Variants in FBXL20 observed in about 807,000 individuals in gnomAD.
The protein encoded by FBXL20 is F-box/LRR-repeat protein 20.
FBXL20 carries 11 observed loss-of-function variants against 64.0 expected under a neutral mutation model. That is an observed-to-expected ratio of 0.17 (90% CI 0.11 to 0.28). The LOEUF is 0.28. FBXL20 is among the 10% of genes least tolerant of loss of function. The pLI is 1.00. For missense variants in FBXL20, 303 were observed against 526.2 expected, an observed-to-expected ratio of 0.58 and a Z score of 4.15; for synonymous variants, 184 against 189.0, an observed-to-expected ratio of 0.97 and a Z score of 0.22.
At chr17:39,291,607 G>T (rs775360375) in intron 6 of FBXL20, among the ~76,000 whole-genome samples, 1 of 151,296 alleles carries the variant, frequency 6.6e-6, no homozygotes, top group African/African-American at 2.4e-5. Context: ...CTAATTTTTC[G>T]AATTTTTAGT....
At chr17:39,399,317 C>A (rs1279758352) in intron 1 of FBXL20, among the ~76,000 whole-genome samples, 1 of 152,152 alleles carries the variant, frequency 6.6e-6, no homozygotes, top group East Asian at 1.9e-4. Flanking sequence ...ATGTTTAGAT[C>A]TGCTTTATTT....
Position 39,281,380 on chromosome 17 carries a change from G to C in FBXL20, c.696+9C>G, listed in dbSNP as rs1273262729. The stretch of plus-strand genomic sequence containing the variant: ...CTAAAACAGAAGAGTTGTGAGAAGG[G>C]ATGTTTACCAAGCAAGTCTGCAAGT... On this transcript the variant is annotated intron_variant, in intron 9 of 14. Coordinates refer to ENST00000264658, the MANE Select transcript of FBXL20 (RefSeq NM_032875.3). 6.2e-7 allele frequency: 1 copy of C among 1,612,918 alleles called. No homozygotes were observed. The highest frequency in any genetic ancestry group is 2.2e-5 in the East Asian group (1 of 44,818).
At chr17:39,348,211 C>A (rs1597811669) in intron 1 of FBXL20, among the ~76,000 whole-genome samples, 2 of 151,970 alleles carry the variant, frequency 1.3e-5, no homozygotes, top group East Asian at 3.9e-4. Flanking sequence ...GCCTGTAATC[C>A]CAGCACTTTG....
At chr17:39,315,866 A>AGAGC (rs1555607918) in intron 2 of FBXL20, among the ~76,000 whole-genome samples, 4 of 132,656 alleles carry the variant, frequency 3.0e-5, no homozygotes, top group Non-Finnish European at 6.3e-5. Flanking sequence ...AGAGAGAGAG[A>AGAGC]GAGAGCAACT....
At chr17:39,314,799 T>C (rs1327584975) in intron 2 of FBXL20, among the ~76,000 whole-genome samples, 7 of 146,862 alleles carry the variant, frequency 4.8e-5, no homozygotes, top group South Asian at 2.1e-4. Context: ...CCTTTTCTTT[T>C]TTTTTTTTTT....
intron 2 of FBXL20, among the ~76,000 whole-genome samples, chr17:39,309,362 T>A (rs1288232966): frequency 2.0e-5 from 3 of 152,216 alleles, no homozygotes; most frequent in Non-Finnish European, 4.4e-5. Context: ...ATATATATAT[T>A]TAAAACCTTG....
chr17:39,388,939 CT>C, intron 1 of FBXL20, among the ~76,000 whole-genome samples: 1 of 150,066 alleles, frequency 6.7e-6, no homozygotes, highest in South Asian at 2.1e-4. Flanking sequence ...CCCATCTCTA[CT>C]AAAAATACAG....
At chr17:39,317,993 C>T (rs1157533234) in intron 2 of FBXL20, among the ~76,000 whole-genome samples, 1 of 152,028 alleles carries the variant, frequency 6.6e-6, no homozygotes, top group African/African-American at 2.4e-5. Flanking sequence ...AGCCACCGCT[C>T]GCGGCCTCAC....
intron 1 of FBXL20, among the ~76,000 whole-genome samples, chr17:39,368,569 T>TTC (rs1466274854): frequency 1.3e-5 from 2 of 152,196 alleles, no homozygotes; most frequent in African/African-American, 4.8e-5. Flanking sequence ...GTATACTTGC[T>TTC]TCTCCCTGAC....
rs1273699784 is a variant in FBXL20, at chr17:39,299,100, G to A, written c.235-16C>T. The stretch of plus-strand genomic sequence containing the variant: ...CTACTCGGCCCTGTAAAATGAGACA[G>A]GCAAACAAAAAGATAACCCACCTCA... On this transcript the variant is annotated splice_polypyrimidine_tract_variant and intron_variant, in intron 4 of 14. Transcript: ENST00000264658. The A allele has an allele frequency of 1.3e-6, 2 of 1,567,810 alleles. No homozygotes were observed. Among genetic ancestry groups the A allele is most frequent in the Admixed American group, 3.7e-5 (2 of 54,500 alleles).
chr17:39,382,956 A>C (rs2048040236), intron 1 of FBXL20, among the ~76,000 whole-genome samples: 2 of 151,796 alleles, frequency 1.3e-5, no homozygotes, highest in Non-Finnish European at 2.9e-5. Flanking sequence ...AGAGATGGAG[A>C]CCATCTTGGC....
chr17:39,391,697 T>G (rs564971867), intron 1 of FBXL20, among the ~76,000 whole-genome samples: 1 of 152,142 alleles, frequency 6.6e-6, no homozygotes, highest in African/African-American at 2.4e-5. Flanking sequence ...TCAAAAGATA[T>G]AGATGATCTG....
At chr17:39,270,554 A>T (rs116708230) in intron 11 of FBXL20, among the ~76,000 whole-genome samples, 2,210 of 152,048 alleles carry the variant, frequency 0.015, 57 homozygotes, top group African/African-American at 0.05. Flanking sequence ...AAAAAAATTT[A>T]AAAAAAATTG....
chr17:39,396,956 C>CAA (rs1253381568), intron 1 of FBXL20, among the ~76,000 whole-genome samples: 97 of 78,314 alleles, frequency 1.2e-3, no homozygotes, highest in African/African-American at 5.8e-3. Context: ...GACTCCGGCT[C>CAA]AAAAAAAAAA....
intron 10 of FBXL20, among the ~76,000 whole-genome samples, chr17:39,272,054 G>A (rs1243712783): frequency 1.3e-5 from 2 of 152,084 alleles, no homozygotes; most frequent in African/African-American, 4.8e-5. Context: ...TTCAAGACCA[G>A]CCTGGGCAAC....
At chr17:39,318,364 T>C (rs2047317228) in intron 2 of FBXL20, among the ~76,000 whole-genome samples, 1 of 152,178 alleles carries the variant, frequency 6.6e-6, no homozygotes, top group African/African-American at 2.4e-5. Flanking sequence ...GAATTCCACA[T>C]AGCCAAGTCC....
intron 6 of FBXL20, among the ~76,000 whole-genome samples, chr17:39,287,098 A>T (rs1024893930): frequency 3.3e-5 from 5 of 151,664 alleles, no homozygotes; most frequent in African/African-American, 1.2e-4. Flanking sequence ...TTTTTAGTAG[A>T]GACGGGTTTT....
At chr17:39,401,628 C>A, upstream of FBXL20, 2 of 1,389,216 alleles carry the variant, frequency 1.4e-6, no homozygotes, top group East Asian at 5.8e-5. Context: ...GCTCTCTCCT[C>A]AGCCTCAACT....
At chr17:39,292,716 G>C (rs2047050735) in intron 6 of FBXL20, among the ~76,000 whole-genome samples, 1 of 151,436 alleles carries the variant, frequency 6.6e-6, no homozygotes, top group African/African-American at 2.4e-5. Flanking sequence ...GCCTCTTCCG[G>C]GTCTATATTT....
Sources: allele counts gnomAD v4.1 joint callset (sites outside exome capture counted in the v4.1 genomes callset), GRCh38; gene constraint gnomAD v4.1.1; transcripts MANE v1.5; gene names NCBI Gene and HGNC (gene_info 2026-07-23, HGNC 2026-07-21).